Variants in PRR5 observed in about 807,000 individuals in gnomAD.
The protein encoded by PRR5 is proline-rich protein 5.
PRR5 carries 25 observed loss-of-function variants against 30.6 expected under a neutral mutation model. The ratio of observed to expected loss-of-function variants is 0.82; its 90% CI spans 0.60 to 1.14. PRR5 has a LOEUF of 1.14. PRR5 is among the 50% of genes most tolerant of loss of function. The pLI is 0.00. For missense variants in PRR5, 600 were observed against 547.1 expected, an observed-to-expected ratio of 1.10 and a Z score of -0.96; for synonymous variants, 286 against 247.1, an observed-to-expected ratio of 1.16 and a Z score of -1.48.
rs141582011 is a variant in PRR5, at chr22:44,682,083, G to T, written c.-11+4843G>T. On this transcript the variant is annotated intron_variant, in intron 1 of 8. Coordinates refer to the PRR5 transcript ENST00000006251. ...CCACTGGCCCACTGAGTTACAAGGG[G>T]CGTGGCCAGCAGAGCTGAGATGTCC... Among the ~76,000 whole-genome samples the T allele has an allele frequency of 8.0e-3, 1,225 of 152,322 alleles. 10 individuals carry two copies. Among genetic ancestry groups the T allele is most frequent in the South Asian group, 0.024 (117 of 4,828 alleles).
At chr22:44,709,646 G>A (rs1927842029) in intron 1 of PRR5, among the ~76,000 whole-genome samples, 1 of 152,180 alleles carries the variant, frequency 6.6e-6, no homozygotes, top group Non-Finnish European at 1.5e-5. Flanking sequence ...CAGGTCAGGA[G>A]TTCGAGATCA....
chr22:44,729,570 C>T (rs1399910878), intron 4 of PRR5: 1 of 985,422 alleles, frequency 1.0e-6, no homozygotes, highest in Non-Finnish European at 1.2e-6. Context: ...ACGTGTATCA[C>T]GCCCCTTTCA....
chr22:44,699,282 C>G (rs776758726), upstream of PRR5, among the ~76,000 whole-genome samples: 6 of 152,190 alleles, frequency 3.9e-5, no homozygotes, highest in African/African-American at 1.4e-4. Context: ...GGCCTCCCTC[C>G]CTCTCTGGAG....
chr22:44,672,835 A>T (rs767540327), upstream of PRR5, among the ~76,000 whole-genome samples: 26 of 152,230 alleles, frequency 1.7e-4, no homozygotes, highest in Non-Finnish European at 3.2e-4. Flanking sequence ...ACAGATGGGC[A>T]AACTGAGGCT....
upstream of PRR5, among the ~76,000 whole-genome samples, chr22:44,672,522 T>C (rs1377307977): frequency 6.6e-6 from 1 of 152,132 alleles, no homozygotes. Flanking sequence ...AGGCAGAGGC[T>C]GTAGTGAGCT....
chr22:44,733,948 G>A (rs756854905), intron 6 of PRR5, among the ~76,000 whole-genome samples: 3 of 152,164 alleles, frequency 2.0e-5, no homozygotes, highest in Non-Finnish European at 2.9e-5. Context: ...GTTAGTCCTC[G>A]CCTCTGGCTG....
chr22:44,735,218 T>A, intron 7 of PRR5, 56 bp downstream of exon 7: 1 of 1,550,814 alleles, frequency 6.4e-7, no homozygotes, highest in Non-Finnish European at 8.8e-7. Flanking sequence ...GCCCCATCCA[T>A]TGTGAACAAA....
At chr22:44,688,573 T>G (rs2146962436) in intron 1 of PRR5, among the ~76,000 whole-genome samples, 1 of 152,338 alleles carries the variant, frequency 6.6e-6, no homozygotes. Context: ...CATATGGGGT[T>G]GCTGCCAGGC....
Position 44,702,310 on chromosome 22 carries a change from C to T in PRR5, c.-165C>T. 1 of 1,147,992 alleles carries T rather than the reference C, an allele frequency of 8.7e-7. No individual in the cohort carries two copies. The highest frequency in any genetic ancestry group is 1.1e-6 in the Non-Finnish European group (1 of 928,100). 71.1% of individuals were successfully genotyped at this position (1,147,992 alleles called of 1,614,324 possible). On this transcript the variant is annotated 5_prime_UTR_variant, in exon 1 of 8. In the 5' UTR this introduces an upstream ATG that the reference lacks. Coordinates refer to ENST00000336985, the MANE Select transcript of PRR5 (RefSeq NM_181333.4). ...GGGGCGGCCGGCGCGGGACCCGAGA[C>T]GGAGGCGCGGGGCCGGGGCGGGACC...
intron 1 of PRR5, among the ~76,000 whole-genome samples, chr22:44,670,633 G>A (rs1180259402): frequency 6.6e-6 from 1 of 152,226 alleles, no homozygotes; most frequent in Non-Finnish European, 1.5e-5. Flanking sequence ...GGGGATACTT[G>A]CATGGACTTA....
At chr22:44,706,300 C>T (rs1007204177) in intron 1 of PRR5, among the ~76,000 whole-genome samples, 3 of 152,190 alleles carry the variant, frequency 2.0e-5, no homozygotes, top group Non-Finnish European at 4.4e-5. Context: ...CATTCATTGA[C>T]TGTGCCAGCA....
intron 3 of PRR5, 136 bp from the exon 4 acceptor site, chr22:44,726,441 T>C: frequency 7.8e-7 from 1 of 1,275,512 alleles, no homozygotes; most frequent in Non-Finnish European, 1.1e-6. Context: ...GCAGGTGGAC[T>C]GTGGGACCTC....
At chr22:44,723,288 C>T (rs1930214522) in intron 2 of PRR5, among the ~76,000 whole-genome samples, 1 of 152,038 alleles carries the variant, frequency 6.6e-6, no homozygotes. Context: ...CTGGCCAAAG[C>T]TTGTCAGAAC....
At chr22:44,673,933 G>C (rs2146925546), upstream of PRR5, among the ~76,000 whole-genome samples, 1 of 152,272 alleles carries the variant, frequency 6.6e-6, no homozygotes. Flanking sequence ...TAAAGCCTTG[G>C]GGTGGACAAA....
upstream of PRR5, among the ~76,000 whole-genome samples, chr22:44,672,234 C>T (rs1241783375): frequency 2.0e-5 from 3 of 152,134 alleles, no homozygotes; most frequent in Admixed American, 6.5e-5. Flanking sequence ...TTGTGTTACA[C>T]GGATACCCAC....
rs1253586136 is a variant in PRR5, at chr22:44,691,285, G to GT, written c.-10-11206dup. Among the ~76,000 whole-genome samples the GT allele has an allele frequency of 6.6e-6, 1 of 152,192 alleles. No individual in the cohort carries two copies. Among genetic ancestry groups the GT allele is most frequent in the African/African-American group, 2.4e-5 (1 of 41,444 alleles). ...TCCTGGCCCTGCCCCTCACCAGCCT[G>GT]TGACCCTGCAGGTGACGTCAGGACT... is the stretch of plus-strand genomic sequence containing the variant. On this transcript the variant is annotated intron_variant, in intron 1 of 8. Coordinates refer to the PRR5 transcript ENST00000006251. This position sits in a 1 kb window ranked among gnomAD's most constrained non-coding sequence, Gnocchi z 4.4.
chr22:44,705,255 C>A (rs987239941), intron 1 of PRR5, among the ~76,000 whole-genome samples: 1 of 152,188 alleles, frequency 6.6e-6, no homozygotes, highest in Non-Finnish European at 1.5e-5. Flanking sequence ...CTTGTGGCTG[C>A]ATCACTCCAA....
At chr22:44,680,907 C>T (rs902790040) in intron 1 of PRR5, among the ~76,000 whole-genome samples, 8 of 152,162 alleles carry the variant, frequency 5.3e-5, no homozygotes, top group African/African-American at 1.2e-4. Flanking sequence ...GCACAGGCTG[C>T]GGGACCCGGA....
chr22:44,692,306 G>A (rs1228206992), intron 1 of PRR5, among the ~76,000 whole-genome samples: 1 of 107,130 alleles, frequency 9.3e-6, no homozygotes. Context: ...TCCCCCTCTC[G>A]GTGCTCCTCC....
Sources: allele counts gnomAD v4.1 joint callset (sites outside exome capture counted in the v4.1 genomes callset), GRCh38; gene constraint gnomAD v4.1.1; non-coding constraint Gnocchi (gnomAD v3.1); transcripts MANE v1.5; gene names NCBI Gene and HGNC (gene_info 2026-07-23, HGNC 2026-07-21).